The following CSMD1 variants were observed in gnomAD, a reference collection of about 807,000 sequenced individuals.
The protein encoded by CSMD1 is CUB and sushi domain-containing protein 1.
Under a neutral mutation model 417.5 loss-of-function variants are expected in CSMD1, and 213 were observed. That is an observed-to-expected ratio of 0.51 (90% CI 0.46 to 0.57). The LOEUF (loss-of-function observed/expected upper bound fraction) is 0.57. Ranked by LOEUF, CSMD1 falls within the 20% of genes least tolerant of loss-of-function variation. The pLI is 0.00. For synonymous variants in CSMD1, 2,862 were observed against 1,736.8 expected (o/e 1.65, Z -16.11); for missense variants, 6,923 against 4,529.7 (o/e 1.53, Z -15.17).
At chr8:3,584,249 C>T (rs1240052837) in intron 9 of CSMD1, among the ~76,000 whole-genome samples, 1 of 152,146 alleles carries the variant, frequency 6.6e-6, no homozygotes, top group Non-Finnish European at 1.5e-5. Context: ...CAAAGCCAGG[C>T]ACTCTTTGCC....
chr8:3,042,015 C>A (rs1348946096), intron 50 of CSMD1, among the ~76,000 whole-genome samples: 1 of 152,168 alleles, frequency 6.6e-6, no homozygotes, highest in Non-Finnish European at 1.5e-5. Context: ...GAAGCCTTAA[C>A]AACTTTGTGC....
intron 5 of CSMD1, among the ~76,000 whole-genome samples, chr8:3,917,185 G>A (rs1436446639): frequency 1.2e-4 from 18 of 152,168 alleles, no homozygotes; most frequent in Non-Finnish European, 1.9e-4. Flanking sequence ...TATTTATGGA[G>A]CGCTTAATCT....
intron 1 of CSMD1, among the ~76,000 whole-genome samples, chr8:4,775,485 T>A (rs1796807461): frequency 6.6e-6 from 1 of 152,234 alleles, no homozygotes; most frequent in African/African-American, 2.4e-5. Context: ...TGGAAGGGTA[T>A]AAAATAAGCA....
intron 5 of CSMD1, among the ~76,000 whole-genome samples, chr8:3,937,239 G>T (rs2162263): frequency 4.6e-5 from 7 of 151,940 alleles, no homozygotes; most frequent in Non-Finnish European, 8.8e-5. Context: ...CATAAACTCA[G>T]TTAATAAAGC....
chr8:4,758,171 G>T (rs528157508), intron 1 of CSMD1, among the ~76,000 whole-genome samples: 1 of 152,028 alleles, frequency 6.6e-6, no homozygotes, highest in Non-Finnish European at 1.5e-5. Context: ...GGAGGTGTTT[G>T]CATTTCCTTC....
intron 37 of CSMD1, among the ~76,000 whole-genome samples, chr8:3,167,120 A>T (rs989161120): frequency 1.2e-4 from 18 of 152,180 alleles, no homozygotes; most frequent in Admixed American, 3.3e-4. Context: ...CCCCGTCTCT[A>T]CTAAGAATAC....
intron 3 of CSMD1, among the ~76,000 whole-genome samples, chr8:4,204,876 G>A (rs1244839056): frequency 6.6e-6 from 1 of 152,022 alleles, no homozygotes; most frequent in Non-Finnish European, 1.5e-5. Context: ...CCCCAGGCTG[G>A]TCCTGAACTC....
chr8:4,894,280 T>A (rs1357656171), intron 1 of CSMD1, among the ~76,000 whole-genome samples: 2 of 152,082 alleles, frequency 1.3e-5, no homozygotes, highest in East Asian at 3.9e-4. Context: ...TTGTTTTGCT[T>A]TTTCAAATTT....
chr8:4,016,841 T>C (rs564917217), intron 4 of CSMD1, among the ~76,000 whole-genome samples: 3 of 152,320 alleles, frequency 2.0e-5, no homozygotes, highest in East Asian at 3.9e-4. Flanking sequence ...AAGTCATGTC[T>C]ATCAAAGACC....
chr8:4,898,490 G>C (rs1298145412), intron 1 of CSMD1, among the ~76,000 whole-genome samples: 1 of 152,160 alleles, frequency 6.6e-6, no homozygotes, highest in Non-Finnish European at 1.5e-5. Flanking sequence ...CCAAATGCTT[G>C]CCTGCTCACT....
chr8:3,498,914 T>A (rs1455883555), intron 10 of CSMD1, among the ~76,000 whole-genome samples: 2 of 152,124 alleles, frequency 1.3e-5, no homozygotes, highest in African/African-American at 4.8e-5. Flanking sequence ...CTTTTTGAAT[T>A]GTCTATTTTT....
intron 1 of CSMD1, among the ~76,000 whole-genome samples, chr8:4,895,595 G>A (rs1585281406): frequency 1.3e-5 from 2 of 151,908 alleles, no homozygotes; most frequent in African/African-American, 2.4e-5. Context: ...ATAGTTATTC[G>A]GGGGCTTCTT....
At position 3,651,067 on chromosome 8, in the gene CSMD1, C is replaced by G. The variant is rs142955096; in HGVS notation, c.1010-34270G>C. Reference sequence around the variant, plus strand: ...TACCCACCAGAATATCCCATGAGCTCCATATTCAAGATTCGTGCATACAAT... The same window carrying G: ...TACCCACCAGAATATCCCATGAGCTGCATATTCAAGATTCGTGCATACAAT... On this transcript the variant is annotated intron_variant, in intron 7 of 69. Transcript: ENST00000635120. Among the ~76,000 whole-genome samples the G allele has an allele frequency of 1.6e-4, 25 of 152,310 alleles. 1 individual carries two copies. Among genetic ancestry groups the G allele is most frequent in the African/African-American group, 5.3e-4 (22 of 41,570 alleles).
intron 25 of CSMD1, among the ~76,000 whole-genome samples, chr8:3,294,436 G>C (rs911177623): frequency 1.3e-5 from 2 of 152,172 alleles, no homozygotes. Context: ...GTCTACAGAG[G>C]CAGGCAGGCT....
intron 1 of CSMD1, among the ~76,000 whole-genome samples, chr8:4,710,923 C>A: frequency 6.6e-6 from 1 of 151,614 alleles, no homozygotes; most frequent in Non-Finnish European, 1.5e-5. Flanking sequence ...GGCCTGAGTC[C>A]AAACATAAAA....
At chr8:3,231,045 A>T (rs915021628) in intron 26 of CSMD1, among the ~76,000 whole-genome samples, 1 of 151,962 alleles carries the variant, frequency 6.6e-6, no homozygotes, top group Non-Finnish European at 1.5e-5. Flanking sequence ...GCAGCCATCG[A>T]CTCTGCCTGC....
chr8:2,961,137 C>G lies in CSMD1; in HGVS notation c.9702+4G>C, dbSNP rs763108510. 1.3e-6 allele frequency: 2 copies of G among 1,542,834 alleles called. No homozygotes were observed. Among genetic ancestry groups the G allele is most frequent in the African/African-American group, 1.4e-5 (1 of 73,636 alleles). ...GAAAACATAGTAAATTCATAATGAA[C>G]TACCTCATAGCCTCTGGAGCTATTC... On this transcript the variant is annotated splice_donor_region_variant and intron_variant, in intron 62 of 69. Transcript: ENST00000635120.
chr8:4,744,809 A>G (rs1810849072), intron 1 of CSMD1, among the ~76,000 whole-genome samples: 1 of 152,054 alleles, frequency 6.6e-6, no homozygotes, highest in Non-Finnish European at 1.5e-5. Context: ...CAAGGAGTAA[A>G]AAACATAAAA....
intron 2 of CSMD1, among the ~76,000 whole-genome samples, chr8:4,553,563 A>G (rs978245746): frequency 1.3e-5 from 2 of 152,112 alleles, no homozygotes; most frequent in African/African-American, 4.8e-5. Flanking sequence ...ATATTTAAGA[A>G]CACATTAAAC....
Sources: allele counts gnomAD v4.1 joint callset (sites outside exome capture counted in the v4.1 genomes callset), GRCh38; gene constraint gnomAD v4.1.1; transcripts MANE v1.5; gene names NCBI Gene and HGNC (gene_info 2026-07-23, HGNC 2026-07-21).